The following THBS2 variants were observed in gnomAD, a reference collection of about 807,000 sequenced individuals.
THBS2 encodes thrombospondin 2, also known as thrombospondin-2.
A neutral mutation model predicts 135.2 loss-of-function variants in THBS2; 47 were observed. The observed-to-expected ratio is 0.35, with a 90% CI of 0.28 to 0.44. The LOEUF is 0.44. Ranked by LOEUF, THBS2 falls within the 20% of genes least tolerant of loss-of-function variation. The probability of loss-of-function intolerance (pLI) is 1.00; values close to 1 mark genes in which losing one functional copy is unlikely to be tolerated. For missense variants in THBS2, 1,288 were observed against 1,603.1 expected (o/e 0.80, Z 3.36); for synonymous variants, 639 against 633.8 (o/e 1.01, Z -0.12).
rs1779238714 is a variant in THBS2, at chr6:169,217,993, G to A, written c.3512-164C>T. 3.0e-5 allele frequency among the ~76,000 whole-genome samples: 3 copies of A among 100,652 alleles called. No homozygotes were observed. In the South Asian group the frequency reaches 7.7e-4, roughly 26 times the overall value. 66.0% of individuals were successfully genotyped at this position (100,652 alleles called of 152,430 possible). A position where few individuals can be genotyped will look rare whatever the true frequency, so the allele number is the denominator to read the frequency against. On this transcript the variant is annotated intron_variant, in intron 21 of 21. Transcript: ENST00000617924. ...GGATGAAATGGATGGGTGGATGGAT[G>A]AGATGGGTGGGTGGATGGATGAGAT...
At chr6:169,220,424 G>A (rs1047840968) in intron 20 of THBS2, 87 bp from the exon 21 acceptor site, 69 of 1,505,458 alleles carry the variant, frequency 4.6e-5, no homozygotes, top group Admixed American at 1.9e-4. Flanking sequence ...GGTTGGCTCC[G>A]GACACAAGCT....
chr6:169,225,671 A>G (rs551922527), intron 16 of THBS2, among the ~76,000 whole-genome samples: 1 of 152,308 alleles, frequency 6.6e-6, no homozygotes, highest in East Asian at 1.9e-4. Flanking sequence ...CCAGGTAATT[A>G]TGTCTCTTTT....
intron 6 of THBS2, 76 bp from the exon 7 acceptor site, chr6:169,239,771 G>A (rs1412957945): frequency 9.0e-7 from 1 of 1,105,122 alleles, no homozygotes; most frequent in African/African-American, 1.6e-5. Flanking sequence ...GAGACTAGAA[G>A]GGGTCGACAG....
At chr6:169,218,845 GGATAA>G (rs1354394909) in intron 21 of THBS2, among the ~76,000 whole-genome samples, 1 of 140,004 alleles carries the variant, frequency 7.1e-6, no homozygotes, top group East Asian at 2.2e-4. Flanking sequence ...ATGGATGGAT[GGATAA>G]GATGGATGGA....
intron 2 of THBS2, among the ~76,000 whole-genome samples, chr6:169,249,191 C>T (rs562783162): frequency 4.6e-5 from 7 of 152,342 alleles, no homozygotes; most frequent in South Asian, 4.1e-4. Context: ...GTGGGCCCAA[C>T]GCAGCTGCGG....
At chr6:169,228,367 G>C in intron 14 of THBS2, 86 bp from the exon 15 acceptor site, 1 of 1,475,446 alleles carries the variant, frequency 6.8e-7, no homozygotes, top group Non-Finnish European at 9.2e-7. Flanking sequence ...ATGTACTCAA[G>C]GTTGATGAAA....
At chr6:169,219,891 C>T (rs529141158) in intron 21 of THBS2, 20 of 568,110 alleles carry the variant, frequency 3.5e-5, no homozygotes, top group Admixed American at 6.1e-5. Context: ...TCTAAAATGG[C>T]GTCAGGAGCC....
At chr6:169,219,450 G>A (rs1779339413) in intron 21 of THBS2, among the ~76,000 whole-genome samples, 1 of 152,078 alleles carries the variant, frequency 6.6e-6, no homozygotes, top group African/African-American at 2.4e-5. Flanking sequence ...TGGATGGATG[G>A]GAGGAAATGA....
At chr6:169,248,102 G>A (rs1439494462) in intron 3 of THBS2, among the ~76,000 whole-genome samples, 4 of 151,954 alleles carry the variant, frequency 2.6e-5, no homozygotes, top group Middle Eastern at 3.4e-3. Context: ...ATACATATGC[G>A]AGTGTGAGTG....
intron 3 of THBS2, 39 bp downstream of exon 3, chr6:169,248,378 T>C (rs745403786): frequency 8.3e-6 from 13 of 1,563,842 alleles, no homozygotes; most frequent in Non-Finnish European, 1.1e-5. Flanking sequence ...AGCTAAGCTC[T>C]TTCCTCCCTC....
At chr6:169,247,546 T>G (rs778034177) in intron 3 of THBS2, among the ~76,000 whole-genome samples, 50 of 152,054 alleles carry the variant, frequency 3.3e-4, no homozygotes, top group Non-Finnish European at 6.6e-4. Context: ...TGTGAGTGTA[T>G]GTATGGTGTT....
rs369239097 is a variant in THBS2, at chr6:169,226,267, G to A, written c.2451C>T (p.Tyr817=). The part of the protein sequence containing the change: ...DVFNERDNCP[Y]VYNTDQRDTD... Reference sequence around the variant, plus strand: ...TGTCCCTCTGGTCAGTGTTGTAGACGTAGGGACAATTGTCTCGTTCATTGA... The same window carrying A: ...TGTCCCTCTGGTCAGTGTTGTAGACATAGGGACAATTGTCTCGTTCATTGA... The change falls in exon 16 of 22, where the codon TAC becomes TAT. Residue 817 remains tyrosine (Y), a synonymous_variant. Coordinates refer to ENST00000617924, the MANE Select transcript of THBS2 (RefSeq NM_003247.5). 3.8e-5 allele frequency: 61 copies of A among 1,613,936 alleles called. No individual in the cohort carries two copies. In the Admixed American group the frequency reaches 5.0e-4, roughly 13 times the overall value.
At chr6:169,249,623 T>C (rs535820523) in intron 2 of THBS2, among the ~76,000 whole-genome samples, 1 of 152,348 alleles carries the variant, frequency 6.6e-6, no homozygotes, top group Non-Finnish European at 1.5e-5. Context: ...ATGCACCCTG[T>C]GGGTAAGGAT....
At position 169,248,577 on chromosome 6, in the gene THBS2, T is replaced by C; in HGVS notation, c.449A>G (p.Lys150Arg). 6.2e-7 allele frequency: 1 copy of C among 1,614,014 alleles called. No homozygotes were observed. Among genetic ancestry groups the C allele is most frequent in the Non-Finnish European group, 8.5e-7 (1 of 1,180,028 alleles). ...GCCAGCCACCTGCACGGTGACGTTCTTCCACTGCGAGTCAGCCAGGCCGAC... is the reference window on the plus strand; with the variant it reads ...GCCAGCCACCTGCACGGTGACGTTCCTCCACTGCGAGTCAGCCAGGCCGAC... ...EDVGLADSQW[K>R]NVTVQVAGET... The change falls in exon 3 of 22, where the codon AAG becomes AGG. Residue 150 changes from lysine to arginine, a missense_variant. Physicochemically the swap from Lys to Arg is conservative, Grantham distance 26. This residue lies in a region of THBS2 where 414 missense variants were observed against 447.0 expected (regional missense o/e 0.93). Transcript: ENST00000617924.
Position 169,247,236 on chromosome 6 carries a change from G to A in THBS2, c.610-955C>T, listed in dbSNP as rs547118656. ...CTGATTAATCGTGGTTTAGAAAGGC[G>A]TGCGTTGTGTGTGTGTGCGCTTGTA... On this transcript the variant is annotated intron_variant, in intron 3 of 21. Transcript: ENST00000617924. Among the ~76,000 whole-genome samples the A allele has an allele frequency of 3.9e-5, 6 of 152,302 alleles. No homozygotes were observed. The South Asian group carries it at 8.3e-4, about 21-fold the overall frequency.
At position 169,222,478 on chromosome 6, in the gene THBS2, A is replaced by C. The variant is rs1217512682; in HGVS notation, c.3002-10T>G. 1.9e-6 allele frequency: 3 copies of C among 1,610,804 alleles called. No individual in the cohort carries two copies. Among genetic ancestry groups the C allele is most frequent in the Non-Finnish European group, 2.5e-6 (3 of 1,178,076 alleles). On this transcript the variant is annotated splice_polypyrimidine_tract_variant and intron_variant, in intron 18 of 21. Transcript: ENST00000617924. ...CCAAACTCGTCAAAACCTGGATGCAACGCCATAAGGTTTCGTTAGAAACAC... is the reference window on the plus strand; with the variant it reads ...CCAAACTCGTCAAAACCTGGATGCACCGCCATAAGGTTTCGTTAGAAACAC...
At chr6:169,243,014 T>C (rs1583418958) in intron 4 of THBS2, among the ~76,000 whole-genome samples, 1 of 105,980 alleles carries the variant, frequency 9.4e-6, no homozygotes, top group Non-Finnish European at 1.9e-5. Context: ...CCTTCCCACA[T>C]TCCCACCTTC....
intron 14 of THBS2, among the ~76,000 whole-genome samples, chr6:169,228,502 C>A (rs888930160): frequency 1.3e-5 from 2 of 152,088 alleles, no homozygotes; most frequent in Non-Finnish European, 2.9e-5. Flanking sequence ...CCAGTCAGGG[C>A]AGGGCACGGA....
rs36088849 is a variant in THBS2, at chr6:169,248,628, G to C, written c.398C>G (p.Thr133Ser). The C allele has an allele frequency of 4.3e-3, 7,003 of 1,614,050 alleles. 275 individuals are homozygous for C. The African/African-American group carries it at 0.082, about 19-fold the overall frequency. Residue 133 changes from threonine to serine, a missense_variant, in exon 3 of 22, where the codon ACC becomes AGC. Physicochemically the swap from Thr to Ser is moderately conservative, Grantham distance 58. Transcript: ENST00000617924. ...GTCCTCCAGGGAGACCACATGCCGG[G>C]TGCCGTCAATCCAGTAGGTGAGATC... Reference protein sequence around the residue: ...TLDLTYWIDGTRHVVSLEDVG... With the variant: ...TLDLTYWIDGSRHVVSLEDVG...
Sources: gnomAD v4.1 joint callset for allele counts (sites outside exome capture counted in the v4.1 genomes callset) on GRCh38, gnomAD v4.1.1 for gene constraint, gnomAD v4.1.1 regional missense constraint, MANE v1.5 for transcripts, NCBI Gene and HGNC (gene_info 2026-07-23, HGNC 2026-07-21) for gene names.